Variants in LRCH1 observed in about 807,000 individuals in gnomAD.
LRCH1 encodes leucine-rich repeat and calponin homology domain-containing protein 1.
Under a neutral mutation model 94.9 loss-of-function variants are expected in LRCH1, and 23 were observed. The observed-to-expected ratio is 0.24, with a 90% CI of 0.17 to 0.34. The LOEUF (loss-of-function observed/expected upper bound fraction) is 0.34, where lower values mean the gene tolerates loss of function less well. LRCH1 is among the 10% of genes least tolerant of loss of function. The pLI is 1.00. For synonymous variants in LRCH1, 364 were observed against 354.9 expected, an observed-to-expected ratio of 1.03 and a Z score of -0.29; for missense variants, 790 against 945.9, an observed-to-expected ratio of 0.84 and a Z score of 2.16.
At chr13:46,726,729 C>G (rs553437989) in intron 17 of LRCH1, among the ~76,000 whole-genome samples, 1 of 152,054 alleles carries the variant, frequency 6.6e-6, no homozygotes, top group Admixed American at 6.6e-5. Context: ...TTCTCACCCC[C>G]ACTCAGCAGT....
At chr13:46,615,203 G>T (rs1031339362) in intron 1 of LRCH1, among the ~76,000 whole-genome samples, 3 of 152,148 alleles carry the variant, frequency 2.0e-5, no homozygotes, top group African/African-American at 7.2e-5. Flanking sequence ...GGTTCTGCAG[G>T]CTCTGCAAGC....
chr13:46,678,459 T>G (rs1001919416), intron 3 of LRCH1, among the ~76,000 whole-genome samples: 4 of 152,234 alleles, frequency 2.6e-5, no homozygotes, highest in Non-Finnish European at 5.9e-5. Context: ...GTGCTAAATC[T>G]GCTTGGGCGT....
At chr13:46,655,798 C>T (rs928210582) in intron 2 of LRCH1, among the ~76,000 whole-genome samples, 1 of 152,124 alleles carries the variant, frequency 6.6e-6, no homozygotes, top group Non-Finnish European at 1.5e-5. Flanking sequence ...TCAGCGTTAG[C>T]GGCTGCCAAG....
At chr13:46,749,334 C>T (rs1002426412), downstream of LRCH1, among the ~76,000 whole-genome samples, 5 of 152,102 alleles carry the variant, frequency 3.3e-5, no homozygotes, top group African/African-American at 1.2e-4. Context: ...AATCTAAAAA[C>T]GTTGAATTCA....
intron 1 of LRCH1, among the ~76,000 whole-genome samples, chr13:46,569,420 C>T (rs533925260): frequency 6.6e-6 from 1 of 152,192 alleles, no homozygotes; most frequent in Non-Finnish European, 1.5e-5. Flanking sequence ...AATTAGGAGT[C>T]AGGGTTTGAG....
intron 3 of LRCH1, among the ~76,000 whole-genome samples, chr13:46,675,499 C>T (rs570156073): frequency 1.9e-4 from 29 of 152,252 alleles, no homozygotes; most frequent in East Asian, 1.7e-3. Flanking sequence ...GCTCAAGTAA[C>T]GACTTGTTGG....
intron 1 of LRCH1, among the ~76,000 whole-genome samples, chr13:46,606,491 C>T (rs2050689086): frequency 6.6e-6 from 1 of 152,194 alleles, no homozygotes; most frequent in South Asian, 2.1e-4. Context: ...GTTGTTCCTA[C>T]CCACAGGATT....
At chr13:46,664,911 G>A (rs952088481) in intron 2 of LRCH1, among the ~76,000 whole-genome samples, 1 of 152,076 alleles carries the variant, frequency 6.6e-6, no homozygotes, top group Non-Finnish European at 1.5e-5. Context: ...CACAACAGGT[G>A]GCCTTTCTCT....
At chr13:46,640,218 C>G (rs1483551801) in intron 1 of LRCH1, among the ~76,000 whole-genome samples, 2 of 152,118 alleles carry the variant, frequency 1.3e-5, no homozygotes, top group African/African-American at 4.8e-5. Context: ...CTCATGGAAC[C>G]CAGTAATAGC....
At chr13:46,643,437 T>C (rs1318385478) in intron 1 of LRCH1, among the ~76,000 whole-genome samples, 1 of 152,226 alleles carries the variant, frequency 6.6e-6, no homozygotes, top group Admixed American at 6.5e-5. Context: ...TTTCTCTCTT[T>C]TTCTCTCCCT....
chr13:46,578,810 G>A (rs2050332696), intron 1 of LRCH1, among the ~76,000 whole-genome samples: 1 of 152,112 alleles, frequency 6.6e-6, no homozygotes, highest in African/African-American at 2.4e-5. Flanking sequence ...CTTACATTGT[G>A]GGAGGGGGAT....
Position 46,588,596 on chromosome 13 carries a change from C to CTTT in LRCH1, c.307+34912_307+34914dup, listed in dbSNP as rs139602811. On this transcript the variant is annotated intron_variant, in intron 1 of 19. Transcript: ENST00000389797. The stretch of plus-strand genomic sequence containing the variant: ...CTGTATTTCGTTTCTCTCTCTCTGT[C>CTTT]TTTTTTTTTTTTTTTTTTTTTGAGA... Among the ~76,000 whole-genome samples, 12 of 100,146 alleles carry CTTT rather than the reference C, an allele frequency of 1.2e-4. 1 individual carries two copies. Among genetic ancestry groups the CTTT allele is most frequent in the African/African-American group, 2.7e-4 (7 of 26,168 alleles). The allele number at this position is 100,146 out of a possible 152,430, so 65.7% of individuals were successfully genotyped here.
At chr13:46,593,190 C>G (rs1018884033) in intron 1 of LRCH1, among the ~76,000 whole-genome samples, 3 of 151,226 alleles carry the variant, frequency 2.0e-5, no homozygotes, top group African/African-American at 4.9e-5. Context: ...TTACTCAGTA[C>G]TAAAGTTCAT....
intron 1 of LRCH1, among the ~76,000 whole-genome samples, chr13:46,649,891 A>C (rs2051270447): frequency 6.6e-6 from 1 of 152,170 alleles, no homozygotes; most frequent in East Asian, 1.9e-4. Flanking sequence ...GATACGTTAA[A>C]GGATAGCATT....
chr13:46,653,631 C>T (rs2051334430), intron 2 of LRCH1, among the ~76,000 whole-genome samples: 1 of 151,988 alleles, frequency 6.6e-6, no homozygotes, highest in African/African-American at 2.4e-5. Context: ...TCGTGACCAG[C>T]CTGGGCAACA....
At chr13:46,682,415 C>T (rs935398295) in intron 4 of LRCH1, among the ~76,000 whole-genome samples, 8 of 152,154 alleles carry the variant, frequency 5.3e-5, no homozygotes, top group Admixed American at 6.5e-5. Context: ...TTTCCAAATA[C>T]AGTCACATTC....
chr13:46,723,435 C>A lies in LRCH1; in HGVS notation c.1869+105C>A, dbSNP rs1476264071. 4 of 853,020 alleles carry A rather than the reference C, an allele frequency of 4.7e-6. No homozygotes were observed. The Admixed American group carries it at 7.1e-5, about 15-fold the overall frequency. The allele number at this position is 853,020 out of a possible 1,614,324, so 52.8% of individuals were successfully genotyped here. ...CAAGCAGTCCTAATTTCAAATCTAGCCAGGTCACTTAGTGACTGCTGGATG... is the reference window on the plus strand; with the variant it reads ...CAAGCAGTCCTAATTTCAAATCTAGACAGGTCACTTAGTGACTGCTGGATG... On this transcript the variant is annotated intron_variant, in intron 17 of 19. Transcript: ENST00000389797.
intron 1 of LRCH1, among the ~76,000 whole-genome samples, chr13:46,584,250 G>A (rs906810512): frequency 6.6e-6 from 1 of 152,148 alleles, no homozygotes; most frequent in African/African-American, 2.4e-5. Flanking sequence ...TAGCTCCATT[G>A]TTTCTCATAG....
intron 1 of LRCH1, among the ~76,000 whole-genome samples, chr13:46,622,032 G>A (rs2050885966): frequency 1.3e-5 from 2 of 152,254 alleles, no homozygotes; most frequent in South Asian, 4.1e-4. Flanking sequence ...TCTTCCTTAT[G>A]TAATAGAAAT....
Sources: gnomAD v4.1 joint callset for allele counts (sites outside exome capture counted in the v4.1 genomes callset) on GRCh38, gnomAD v4.1.1 for gene constraint, MANE v1.5 for transcripts, NCBI Gene and HGNC (gene_info 2026-07-23, HGNC 2026-07-21) for gene names.